The following STN1 variants were observed in gnomAD, a reference collection of about 807,000 sequenced individuals.
STN1 encodes the protein CST complex subunit STN1.
Under a neutral mutation model 45.5 loss-of-function variants are expected in STN1, and 29 were observed. The observed-to-expected ratio is 0.64, with a 90% CI of 0.47 to 0.87. STN1 has a LOEUF of 0.87. Among genes scored for constraint, STN1 ranks in the 40% least tolerant of loss-of-function variants. The probability of loss-of-function intolerance (pLI) is 0.00; values close to 1 mark genes in which losing one functional copy is unlikely to be tolerated. For missense variants in STN1, 376 were observed against 441.4 expected (o/e 0.85, Z 1.33); for synonymous variants, 148 against 159.0 (o/e 0.93, Z 0.52).
chr10:103,910,030 C>G (rs1843279569), intron 3 of STN1, among the ~76,000 whole-genome samples: 3 of 152,176 alleles, frequency 2.0e-5, no homozygotes, highest in African/African-American at 7.2e-5. Flanking sequence ...AATAAACTTT[C>G]TGATAATGGG....
intron 7 of STN1, among the ~76,000 whole-genome samples, chr10:103,896,009 C>T (rs1410833235): frequency 6.6e-6 from 1 of 152,140 alleles, no homozygotes; most frequent in Non-Finnish European, 1.5e-5. Flanking sequence ...GAAGGGGCTA[C>T]AGTGACTTAG....
chr10:103,908,750 T>G (rs1047217693), intron 3 of STN1, among the ~76,000 whole-genome samples: 2 of 152,170 alleles, frequency 1.3e-5, no homozygotes, highest in African/African-American at 4.8e-5. Context: ...CTTTTTATAA[T>G]GGGAAAAGAG....
At chr10:103,914,353 TATATATATATATATATA>T (rs1375277734) in intron 2 of STN1, among the ~76,000 whole-genome samples, 5 of 21,372 alleles carry the variant, frequency 2.3e-4, no homozygotes, top group Non-Finnish European at 4.4e-4. Flanking sequence ...TATATATATA[TATATATATATATATATA>T]TATATTTTTT....
chr10:103,916,743 T>C (rs1283909114), intron 2 of STN1, among the ~76,000 whole-genome samples: 1 of 151,584 alleles, frequency 6.6e-6, no homozygotes, highest in Non-Finnish European at 1.5e-5. Context: ...CTATACTTGT[T>C]ATATTTTTAG....
chr10:103,882,616 G>A lies in STN1; in HGVS notation c.*68C>T. ...GACAGATAAGCCCCTGCATGATGCTGAAAGTCAGAGCCTGGGGGTGAATGC... is the reference window on the plus strand; with the variant it reads ...GACAGATAAGCCCCTGCATGATGCTAAAAGTCAGAGCCTGGGGGTGAATGC... On this transcript the variant is annotated 3_prime_UTR_variant, in exon 10 of 10. Transcript: ENST00000224950. The A allele has an allele frequency of 6.7e-7, 1 of 1,503,454 alleles. No individual in the cohort carries two copies. Among genetic ancestry groups the A allele is most frequent in the Non-Finnish European group, 9.0e-7 (1 of 1,113,824 alleles). The allele number at this position is 1,503,454 out of a possible 1,614,324, so 93.1% of individuals were successfully genotyped here.
rs1336862422 is a variant in STN1, at chr10:103,881,564, G to A, written c.*1120C>T. Among the ~76,000 whole-genome samples the A allele has an allele frequency of 6.6e-6, 1 of 152,172 alleles. No homozygotes were observed. The highest frequency in any genetic ancestry group is 2.4e-5 in the African/African-American group (1 of 41,440). On this transcript the variant is annotated 3_prime_UTR_variant, in exon 10 of 10. Coordinates refer to ENST00000224950, the MANE Select transcript of STN1 (RefSeq NM_024928.5). ...ACGTATCGAGCTGCAGCGGACTTCT[G>A]CGTATAAAGACTGTCCTGTTTCCAC...
chr10:103,888,543 T>A (rs1206068877), intron 9 of STN1, among the ~76,000 whole-genome samples: 2 of 152,196 alleles, frequency 1.3e-5, no homozygotes, highest in African/African-American at 4.8e-5. Context: ...TTTTGCAAAT[T>A]AACAGTTTCC....
intron 8 of STN1, among the ~76,000 whole-genome samples, chr10:103,889,580 A>AG (rs956657338): frequency 2.0e-5 from 2 of 100,432 alleles, no homozygotes; most frequent in African/African-American, 6.6e-5. Context: ...AAATAAAAGG[A>AG]GAAAAAAAAA....
Position 103,897,643 on chromosome 10 carries a change from T to C in STN1, c.658A>G (p.Arg220Gly). The change falls in exon 7 of 10, where the codon AGA becomes GGA. Residue 220 changes from arginine to glycine, a missense_variant. Transcript: ENST00000224950. ...TCCTGCTGGTAAAAGCTCTGCACTCTGTTCTCCATGAGGAATTCTTTGGCT... is the reference window on the plus strand; with the variant it reads ...TCCTGCTGGTAAAAGCTCTGCACTCCGTTCTCCATGAGGAATTCTTTGGCT... ...EKAKEFLMEN[R>G]VQSFYQQELE... 1 of 1,614,218 alleles carries C rather than the reference T, an allele frequency of 6.2e-7. No homozygotes were observed.
intron 4 of STN1, among the ~76,000 whole-genome samples, chr10:103,902,989 A>C (rs1322084055): frequency 6.6e-6 from 1 of 152,228 alleles, no homozygotes; most frequent in East Asian, 1.9e-4. Flanking sequence ...TGTTGATCTA[A>C]AAAATTACGA....
In STN1 at chr10:103,900,057, C is replaced by T; in HGVS notation, c.457+5G>A. 1 of 1,613,434 alleles carries T rather than the reference C, an allele frequency of 6.2e-7. No homozygotes were observed. The highest frequency in any genetic ancestry group is 8.5e-7 in the Non-Finnish European group (1 of 1,179,530). The stretch of plus-strand genomic sequence containing the variant: ...ACCAATTTGGTAGAAATATCTTGTG[C>T]TTACAGTAAGTGGTGGCATGAATCT... On this transcript the variant is annotated splice_donor_5th_base_variant and intron_variant, in intron 5 of 9. Transcript: ENST00000224950.
In STN1 at chr10:103,883,311, T is replaced by C. The variant is rs190320983; in HGVS notation, c.950-470A>G. On this transcript the variant is annotated intron_variant, in intron 9 of 9. Coordinates refer to ENST00000224950, the MANE Select transcript of STN1 (RefSeq NM_024928.5). ...GATGCGGCTGCCTGGTGAGAAGGGATTCCTACCTTTGGCCTGTTCTCATTC... is the reference window on the plus strand; with the variant it reads ...GATGCGGCTGCCTGGTGAGAAGGGACTCCTACCTTTGGCCTGTTCTCATTC... Among the ~76,000 whole-genome samples the C allele has an allele frequency of 3.5e-3, 540 of 152,250 alleles. 2 individuals carry two copies. Among genetic ancestry groups the C allele is most frequent in the South Asian group, 0.012 (58 of 4,824 alleles).
At chr10:103,883,574 A>C (rs34300861) in intron 9 of STN1, among the ~76,000 whole-genome samples, 67,394 of 151,752 alleles carry the variant, frequency 0.44, 15,660 homozygotes, top group Non-Finnish European at 0.5. Flanking sequence ...CATGAAACGG[A>C]AATCACGCCC....
rs948972937 is a variant in STN1 at position 103,882,335 on chromosome 10, C to G, written c.*349G>C. On this transcript the variant is annotated 3_prime_UTR_variant, in exon 10 of 10. Coordinates refer to ENST00000224950, the MANE Select transcript of STN1 (RefSeq NM_024928.5). The stretch of plus-strand genomic sequence containing the variant: ...TGAATGTTCACTACCCTGTGGTGTC[C>G]CTTTGCCATGGAAGAGACTCCAACC... Among the ~76,000 whole-genome samples the G allele has an allele frequency of 6.6e-6, 1 of 152,222 alleles. No individual in the cohort carries two copies. Among genetic ancestry groups the G allele is most frequent in the Admixed American group, 6.5e-5 (1 of 15,280 alleles).
At chr10:103,885,932 A>G (rs915231562) in intron 9 of STN1, among the ~76,000 whole-genome samples, 2 of 152,228 alleles carry the variant, frequency 1.3e-5, no homozygotes, top group African/African-American at 4.8e-5. Flanking sequence ...AGCCTGATTC[A>G]TACTATACCC....
intron 7 of STN1, among the ~76,000 whole-genome samples, chr10:103,896,152 T>C (rs1278184492): frequency 6.6e-6 from 1 of 152,188 alleles, no homozygotes; most frequent in African/African-American, 2.4e-5. Flanking sequence ...GTGGGACAAT[T>C]TGAATTTTTA....
intron 6 of STN1, among the ~76,000 whole-genome samples, chr10:103,897,988 A>T (rs1433547272): frequency 6.6e-6 from 1 of 152,196 alleles, no homozygotes; most frequent in Non-Finnish European, 1.5e-5. Context: ...ATATAAAAAA[A>T]ATGGAAACCC....
intron 3 of STN1, among the ~76,000 whole-genome samples, chr10:103,909,398 GTATATA>G (rs1288298715): frequency 6.3e-5 from 4 of 63,452 alleles, no homozygotes; most frequent in Admixed American, 1.9e-4. Flanking sequence ...ATGTATATAT[GTATATA>G]TATGTATATA....
intron 7 of STN1, among the ~76,000 whole-genome samples, chr10:103,893,219 A>G (rs1382643597): frequency 6.6e-6 from 1 of 151,938 alleles, no homozygotes; most frequent in Non-Finnish European, 1.5e-5. Context: ...CCCAGGCTGG[A>G]GTGCAGTGGC....
Sources: allele counts gnomAD v4.1 joint callset (sites outside exome capture counted in the v4.1 genomes callset), GRCh38; gene constraint gnomAD v4.1.1; transcripts MANE v1.5; gene names NCBI Gene and HGNC (gene_info 2026-07-23, HGNC 2026-07-21).